The following IL6R variants were observed in gnomAD, a reference collection of about 807,000 sequenced individuals.
IL6R encodes interleukin 6 receptor, also known as interleukin-6 receptor subunit alpha.
A neutral mutation model predicts 48.3 loss-of-function variants in IL6R; 38 were observed. The ratio of observed to expected loss-of-function variants is 0.79; its 90% CI spans 0.61 to 1.03. The LOEUF (loss-of-function observed/expected upper bound fraction) is 1.03, where lower values mean the gene tolerates loss of function less well. IL6R is among the 50% of genes least tolerant of loss of function. The pLI is 0.00. For synonymous variants in IL6R, 264 were observed against 256.2 expected, an observed-to-expected ratio of 1.03 and a Z score of -0.29; for missense variants, 534 against 618.3, an observed-to-expected ratio of 0.86 and a Z score of 1.45.
At chr1:154,452,943 G>C (rs1690669106) in intron 8 of IL6R, among the ~76,000 whole-genome samples, 1 of 152,172 alleles carries the variant, frequency 6.6e-6, no homozygotes, top group South Asian at 2.1e-4. Flanking sequence ...CGTGGCTCAT[G>C]CCTGTAATCC....
intron 8 of IL6R, 111 bp from the exon 9 acceptor site, chr1:154,454,377 G>A (rs551467827): frequency 1.4e-6 from 1 of 698,366 alleles, no homozygotes; most frequent in Non-Finnish European, 2.5e-6. Context: ...GGAGGGGAAG[G>A]TTCCTTTGAG....
In IL6R at chr1:154,454,549, C is replaced by G; in HGVS notation, c.1128C>G (p.Phe376Leu). ...TFLVAGGSLA[F>L]GTLLCIAIVL... ...TGGTTGCTGGAGGGAGCCTGGCCTT[C>G]GGAACGCTCCTCTGCATTGCCATTG... The change falls in exon 9 of 10, where the codon TTC becomes TTG. Residue 376 changes from phenylalanine to leucine, a missense_variant. Phe to Leu is a conservative substitution (Grantham distance 22, BLOSUM62 0). Coordinates refer to ENST00000368485, the MANE Select transcript of IL6R (RefSeq NM_000565.4). The G allele has an allele frequency of 6.2e-7, 1 of 1,613,742 alleles. No homozygotes were observed. Among genetic ancestry groups the G allele is most frequent in the South Asian group, 1.1e-5 (1 of 91,056 alleles).
At chr1:154,408,841 T>A (rs1687875964) in intron 1 of IL6R, among the ~76,000 whole-genome samples, 1 of 152,074 alleles carries the variant, frequency 6.6e-6, no homozygotes, top group Non-Finnish European at 1.5e-5. Context: ...ACTAGCCACG[T>A]GTACCTATTT....
intron 6 of IL6R, among the ~76,000 whole-genome samples, chr1:154,444,536 G>A (rs1208797476): frequency 6.6e-6 from 1 of 152,092 alleles, no homozygotes; most frequent in Non-Finnish European, 1.5e-5. Context: ...TGCTAAGTAA[G>A]GACATAAAAT....
At chr1:154,442,978 A>G (rs1230821536) in intron 6 of IL6R, among the ~76,000 whole-genome samples, 1 of 152,066 alleles carries the variant, frequency 6.6e-6, no homozygotes, top group Non-Finnish European at 1.5e-5. Context: ...CCTATGTTGC[A>G]CAGGCCTTGA....
chr1:154,442,005 T>G (rs748908342), intron 6 of IL6R, among the ~76,000 whole-genome samples: 6 of 152,186 alleles, frequency 3.9e-5, no homozygotes, highest in Admixed American at 1.3e-4. Context: ...TGTAAGGGGA[T>G]CAGCAATTAC....
intron 1 of IL6R, among the ~76,000 whole-genome samples, chr1:154,413,867 C>T (rs971814764): frequency 6.7e-6 from 1 of 149,922 alleles, no homozygotes; most frequent in East Asian, 2.0e-4. Flanking sequence ...CAGGGTCTCA[C>T]GGTGTCACCC....
intron 1 of IL6R, among the ~76,000 whole-genome samples, chr1:154,412,111 C>T (rs1160679251): frequency 2.0e-5 from 3 of 151,268 alleles, no homozygotes; most frequent in African/African-American, 7.3e-5. Flanking sequence ...CGACGCCTGG[C>T]TAATTTTTTG....
At chr1:154,459,512 G>GAA (rs1691119506) in intron 9 of IL6R, among the ~76,000 whole-genome samples, 1 of 152,144 alleles carries the variant, frequency 6.6e-6, no homozygotes, top group Non-Finnish European at 1.5e-5. Context: ...GTTACCATGG[G>GAA]ATGGCCACAT....
intron 6 of IL6R, among the ~76,000 whole-genome samples, chr1:154,444,220 T>G (rs912990176): frequency 6.6e-6 from 1 of 151,898 alleles, no homozygotes; most frequent in African/African-American, 2.4e-5. Context: ...TTTTTTTTTT[T>G]TTTTTGAAAC....
At chr1:154,425,232 TGA>T (rs746631108) in intron 1 of IL6R, among the ~76,000 whole-genome samples, 6 of 152,186 alleles carry the variant, frequency 3.9e-5, no homozygotes, top group Non-Finnish European at 7.3e-5. Context: ...TAAGACAATA[TGA>T]GGGGTGGTCT....
intron 1 of IL6R, chr1:154,414,549 T>C (rs72698123): frequency 0.015 from 11,130 of 750,108 alleles, 114 homozygotes; most frequent in East Asian, 0.044. Context: ...AAGAAGAGGA[T>C]CTGGTGGCCT....
intron 8 of IL6R, among the ~76,000 whole-genome samples, chr1:154,452,391 A>G (rs1557776857): frequency 1.3e-5 from 2 of 152,084 alleles, no homozygotes; most frequent in South Asian, 4.2e-4. Context: ...TCCTCCACAC[A>G]TGCTCTACCT....
chr1:154,446,461 G>A (rs1570984720), intron 6 of IL6R, among the ~76,000 whole-genome samples: 2 of 152,274 alleles, frequency 1.3e-5, no homozygotes, highest in Middle Eastern at 6.8e-3. Flanking sequence ...CTGGCCCAGC[G>A]AGGCTCGTGA....
Position 154,435,031 on chromosome 1 carries a change from G to T in IL6R, c.682G>T (p.Ala228Ser). Residue 228 changes from alanine (A) to serine (S), a missense_variant, in exon 5 of 10, where the codon GCC becomes TCC. By Grantham distance (99) the Ala-to-Ser change is moderately conservative. Transcript: ENST00000368485. ...TGCCAACATCACAGTCACTGCCGTG[G>T]CCAGAAACCCCCGCTGGCTCAGTGT... ...PPANITVTAV[A>S]RNPRWLSVTW... 1.2e-6 allele frequency: 2 copies of T among 1,614,138 alleles called. No homozygotes were observed. The highest frequency in any genetic ancestry group is 1.7e-6 in the Non-Finnish European group (2 of 1,180,018).
At chr1:154,442,469 A>C (rs1008018938) in intron 6 of IL6R, among the ~76,000 whole-genome samples, 1 of 152,146 alleles carries the variant, frequency 6.6e-6, no homozygotes, top group Non-Finnish European at 1.5e-5. Flanking sequence ...TGAGTGGGAC[A>C]GGTGGAGGCC....
intron 1 of IL6R, among the ~76,000 whole-genome samples, chr1:154,423,155 C>T (rs1688775193): frequency 6.6e-6 from 1 of 151,408 alleles, no homozygotes; most frequent in Non-Finnish European, 1.5e-5. Flanking sequence ...AATCCACCCT[C>T]ATCCCCCGAC....
chr1:154,429,153 T>A lies in IL6R; in HGVS notation c.86-43T>A, dbSNP rs756864381. ...CTCAGACCAGAACGAAGCCCCCTTCTTCAGTGGCTGTGGGCTCACCAAGTG... is the reference window on the plus strand; with the variant it reads ...CTCAGACCAGAACGAAGCCCCCTTCATCAGTGGCTGTGGGCTCACCAAGTG... On this transcript the variant is annotated intron_variant, in intron 1 of 9. Transcript: ENST00000368485. 1.1e-5 allele frequency: 17 copies of A among 1,584,428 alleles called. No individual in the cohort carries two copies. In the African/African-American group the frequency reaches 2.0e-4, roughly 19 times the overall value.
chr1:154,443,084 A>G (rs1690028350), intron 6 of IL6R, among the ~76,000 whole-genome samples: 1 of 152,184 alleles, frequency 6.6e-6, no homozygotes. Context: ...GCGTGGGGCA[A>G]AATGCCTGGG....
Sources: allele counts gnomAD v4.1 joint callset (sites outside exome capture counted in the v4.1 genomes callset), GRCh38; gene constraint gnomAD v4.1.1; transcripts MANE v1.5; gene names NCBI Gene and HGNC (gene_info 2026-07-23, HGNC 2026-07-21).